TDRD3: variants seen among roughly 807,000 people sequenced by gnomAD.
TDRD3 encodes the protein tudor domain containing 3, also known as tudor domain-containing protein 3.
In TDRD3, 45 loss-of-function variants were observed where a neutral mutation model predicts 86.7. The observed-to-expected ratio is 0.52, with a 90% CI of 0.41 to 0.67. The LOEUF (loss-of-function observed/expected upper bound fraction) is 0.67. Ranked by LOEUF, TDRD3 falls within the 30% of genes least tolerant of loss-of-function variation. The probability of loss-of-function intolerance (pLI) is 0.00; values close to 1 mark genes in which losing one functional copy is unlikely to be tolerated. For synonymous variants in TDRD3, 298 were observed against 301.7 expected (o/e 0.99, Z 0.13); for missense variants, 814 against 889.0 (o/e 0.92, Z 1.07).
intron 13 of TDRD3, among the ~76,000 whole-genome samples, chr13:60,573,407 AT>A (rs1409663619): frequency 6.6e-6 from 1 of 152,212 alleles, no homozygotes; most frequent in Non-Finnish European, 1.5e-5. Context: ...TAAAAAAAAA[AT>A]TTATTTTCAA....
Position 60,478,947 on chromosome 13 carries a change from G to A in TDRD3, c.496-4828G>A, listed in dbSNP as rs531296264. ...GTCTCCTAAGTAGCTGGAACTACAG[G>A]CACACACCACCATGCCTAGCTGATT... On this transcript the variant is annotated intron_variant, in intron 5 of 13. Coordinates refer to ENST00000377881, the MANE Select transcript of TDRD3 (RefSeq NM_001146070.2). Among the ~76,000 whole-genome samples the A allele has an allele frequency of 4.6e-5, 7 of 151,880 alleles. No homozygotes were observed. The East Asian group carries it at 5.8e-4, about 13-fold the overall frequency.
chr13:60,406,135 A>G (rs1340857808), intron 1 of TDRD3, among the ~76,000 whole-genome samples: 3 of 152,212 alleles, frequency 2.0e-5, no homozygotes, highest in South Asian at 4.1e-4. Flanking sequence ...GATGTTAGGC[A>G]TTAGGAAATA....
chr13:60,528,936 A>C lies in TDRD3; in HGVS notation c.1711A>C (p.Asn571His), dbSNP rs1232321313. 2 of 1,613,780 alleles carry C rather than the reference A, an allele frequency of 1.2e-6. No individual in the cohort carries two copies. Among genetic ancestry groups the C allele is most frequent in the East Asian group, 4.5e-5 (2 of 44,848 alleles). ...AAAAATTGAAAAACATTTTAATGTA[A>C]ATACTGATTATCAGAATCCAGTTCG... ...GIKIEKHFNVNTDYQNPVRSN... is the reference protein window; with the variant it reads ...GIKIEKHFNVHTDYQNPVRSN... The change falls in exon 11 of 14, where the codon AAT becomes CAT. Residue 571 changes from asparagine (N) to histidine (H), a missense_variant. By Grantham distance (68) the Asn-to-His change is moderately conservative (BLOSUM62 1). Transcript: ENST00000377881.
At position 60,494,544 on chromosome 13, in the gene TDRD3, A is replaced by G; in HGVS notation, c.827A>G (p.Glu276Gly). 6.2e-7 allele frequency: 1 copy of G among 1,613,764 alleles called. No homozygotes were observed. Among genetic ancestry groups the G allele is most frequent in the Non-Finnish European group, 8.5e-7 (1 of 1,179,816 alleles). ...CAGAAAGAAAAGTCAACCAAATCAG[A>G]GGGAAAACATGAAGGTGTCTATAGA... is the stretch of plus-strand genomic sequence containing the variant. ...VLQKEKSTKS[E>G]GKHEGVYREL... Residue 276 changes from glutamate to glycine, a missense_variant, in exon 8 of 14, where the codon GAG (glutamate) becomes GGG (glycine). Glu to Gly is a moderately conservative substitution (Grantham distance 98). Coordinates refer to ENST00000377881, the MANE Select transcript of TDRD3 (RefSeq NM_001146070.2).
intron 12 of TDRD3, chr13:60,538,076 G>A (rs1957736100): frequency 6.6e-6 from 1 of 151,896 alleles, no homozygotes; most frequent in Non-Finnish European, 1.5e-5. Flanking sequence ...TAAAAATCAA[G>A]TTAATACTTT....
At chr13:60,480,532 C>T (rs921783834) in intron 5 of TDRD3, among the ~76,000 whole-genome samples, 2 of 152,142 alleles carry the variant, frequency 1.3e-5, no homozygotes, top group Admixed American at 6.5e-5. Context: ...GCATGTTGAC[C>T]TGTCTAGTGA....
intron 1 of TDRD3, among the ~76,000 whole-genome samples, chr13:60,419,490 T>G (rs1954604457): frequency 6.6e-6 from 1 of 152,106 alleles, no homozygotes; most frequent in Admixed American, 6.5e-5. Context: ...GGGACATGGA[T>G]GCAGCTGGAA....
chr13:60,419,729 C>T (rs1205138425), intron 1 of TDRD3, among the ~76,000 whole-genome samples: 5 of 151,792 alleles, frequency 3.3e-5, no homozygotes, highest in Non-Finnish European at 7.4e-5. Flanking sequence ...CAGCAAACCA[C>T]CATGGCACAT....
chr13:60,482,719 T>C (rs569793992), intron 5 of TDRD3, among the ~76,000 whole-genome samples: 58 of 152,286 alleles, frequency 3.8e-4, no homozygotes, highest in African/African-American at 1.3e-3. Flanking sequence ...AATTATTCTT[T>C]GCTCAATAAA....
intron 1 of TDRD3, among the ~76,000 whole-genome samples, chr13:60,431,161 G>A (rs1171658654): frequency 6.6e-6 from 1 of 151,828 alleles, no homozygotes; most frequent in Non-Finnish European, 1.5e-5. Context: ...AATTATAGTA[G>A]TCTATTTTAT....
chr13:60,449,810 A>G (rs1325416080), intron 3 of TDRD3, among the ~76,000 whole-genome samples: 1 of 152,006 alleles, frequency 6.6e-6, no homozygotes, highest in African/African-American at 2.4e-5. Flanking sequence ...TTTCCACTTA[A>G]ACTCCTTTGC....
At chr13:60,494,318 T>C in intron 7 of TDRD3, 117 bp from the exon 8 acceptor site, 1 of 1,103,864 alleles carries the variant, frequency 9.1e-7, no homozygotes, top group Non-Finnish European at 1.2e-6. Context: ...TATTTTTTCA[T>C]GTAAAACATA....
chr13:60,426,776 A>G (rs1332032791), intron 1 of TDRD3, among the ~76,000 whole-genome samples: 1 of 152,234 alleles, frequency 6.6e-6, no homozygotes, highest in African/African-American at 2.4e-5. Context: ...CACATACCAT[A>G]TACTGTCATT....
intron 1 of TDRD3, among the ~76,000 whole-genome samples, chr13:60,401,326 A>G (rs1954094849): frequency 6.6e-6 from 1 of 152,216 alleles, no homozygotes; most frequent in Non-Finnish European, 1.5e-5. Context: ...TTTACACTGT[A>G]TTAGGTATTT....
Position 60,467,322 on chromosome 13 carries a change from C to T in TDRD3, c.438C>T (p.Asn146=). 1.9e-6 allele frequency: 3 copies of T among 1,613,910 alleles called. No homozygotes were observed. Among genetic ancestry groups the T allele is most frequent in the Non-Finnish European group, 2.5e-6 (3 of 1,179,886 alleles). The change falls in exon 5 of 14, where the codon AAC becomes AAT. Residue 146 remains asparagine (N), a synonymous_variant. Coordinates refer to ENST00000377881, the MANE Select transcript of TDRD3 (RefSeq NM_001146070.2). ...KNGFLLLNDS[N]TTVLGGEVEH... ...GATTCCTGCTCTTGAATGACTCTAA[C>T]ACCACAGTTCTTGGTGGTGAAGTGG...
intron 5 of TDRD3, among the ~76,000 whole-genome samples, chr13:60,472,394 T>G (rs1225601856): frequency 6.6e-6 from 1 of 152,176 alleles, no homozygotes; most frequent in African/African-American, 2.4e-5. Context: ...TTCACAAATG[T>G]TCAACATCAC....
chr13:60,529,281 A>G (rs1345186202), intron 11 of TDRD3, 64 bp downstream of exon 11: 13 of 1,484,220 alleles, frequency 8.8e-6, no homozygotes, highest in Non-Finnish European at 1.1e-5. Flanking sequence ...GTGGGACTTT[A>G]TAGAAGCTGT....
At chr13:60,440,369 A>C (rs982767598) in intron 2 of TDRD3, among the ~76,000 whole-genome samples, 2 of 151,884 alleles carry the variant, frequency 1.3e-5, no homozygotes, top group African/African-American at 4.8e-5. Context: ...AAGAGTTATA[A>C]AAGTTGTTTG....
intron 1 of TDRD3, among the ~76,000 whole-genome samples, chr13:60,426,298 G>A (rs1237293931): frequency 1.3e-5 from 2 of 152,138 alleles, no homozygotes; most frequent in Non-Finnish European, 2.9e-5. Context: ...AGAGGAAATG[G>A]GGAGATGTGG....
Sources: gnomAD v4.1 joint callset for allele counts (sites outside exome capture counted in the v4.1 genomes callset) on GRCh38, gnomAD v4.1.1 for gene constraint, MANE v1.5 for transcripts, NCBI Gene and HGNC (gene_info 2026-07-23, HGNC 2026-07-21) for gene names.